SFMBT2: variants seen among roughly 807,000 people sequenced by gnomAD.
SFMBT2 encodes the protein scm-like with four MBT domains protein 2.
SFMBT2 carries 38 observed loss-of-function variants against 110.1 expected under a neutral mutation model. The observed-to-expected ratio is 0.35, with a 90% CI of 0.27 to 0.45. SFMBT2 has a LOEUF of 0.45. SFMBT2 is among the 20% of genes least tolerant of loss of function. The pLI, the probability that SFMBT2 is intolerant of heterozygous loss-of-function variation, is 1.00. For missense variants in SFMBT2, 1,011 were observed against 1,094.9 expected (o/e 0.92, Z 1.08); for synonymous variants, 425 against 425.4 (o/e 1.00, Z 0.01).
chr10:7,350,487 C>A (rs1487061435), intron 4 of SFMBT2, among the ~76,000 whole-genome samples: 1 of 152,218 alleles, frequency 6.6e-6, no homozygotes, highest in African/African-American at 2.4e-5. Flanking sequence ...CGCTTTAGTG[C>A]CATCTTGCTT....
intron 12 of SFMBT2, chr10:7,203,420 G>T: frequency 4.8e-6 from 1 of 206,814 alleles, no homozygotes; most frequent in East Asian, 1.8e-4. Flanking sequence ...TGTTAGCGGG[G>T]TGGGGATGCC....
At chr10:7,359,160 G>C (rs867269579) in intron 4 of SFMBT2, among the ~76,000 whole-genome samples, 2 of 152,230 alleles carry the variant, frequency 1.3e-5, no homozygotes, top group Non-Finnish European at 2.9e-5. Context: ...GTGCCCGGGG[G>C]CCTTGTCTGT....
chr10:7,342,712 A>C (rs2131988151), intron 4 of SFMBT2, among the ~76,000 whole-genome samples: 1 of 152,246 alleles, frequency 6.6e-6, no homozygotes, highest in East Asian at 1.9e-4. Flanking sequence ...TGAGTCTTTC[A>C]ATCACCAAAG....
At chr10:7,200,620 T>C (rs1230641331) in intron 13 of SFMBT2, 136 bp from the exon 14 acceptor site, 1 of 604,416 alleles carries the variant, frequency 1.7e-6, no homozygotes, top group Non-Finnish European at 2.6e-6. Flanking sequence ...AATGTGTGTA[T>C]GGGAGCAATG....
At chr10:7,202,554 C>A in intron 12 of SFMBT2, 32 bp from the exon 13 acceptor site, 1 of 1,614,104 alleles carries the variant, frequency 6.2e-7, no homozygotes, top group South Asian at 1.1e-5. Context: ...AAAAGAAAAT[C>A]AGCTTTGTTA....
rs960676288 is a variant in SFMBT2, at chr10:7,170,704, T to A, written c.2544+224A>T. Among the ~76,000 whole-genome samples the A allele has an allele frequency of 6.6e-6, 1 of 152,046 alleles. No homozygotes were observed. Among genetic ancestry groups the A allele is most frequent in the Admixed American group, 6.6e-5 (1 of 15,266 alleles). On this transcript the variant is annotated intron_variant, in intron 20 of 20. Transcript: ENST00000397167. The surrounding 1 kb of genome is among the most constrained non-coding windows in gnomAD (Gnocchi z 4.6). ...AGAGTCACCCCTCCGCCCCCCACCATGGCACTGGTGGGGCCTGAGAGGAGC... is the reference window on the plus strand; with the variant it reads ...AGAGTCACCCCTCCGCCCCCCACCAAGGCACTGGTGGGGCCTGAGAGGAGC...
At chr10:7,228,717 TTCTTTCTTTCTTTCTTTCCTTTCTC>T (rs1564395167) in intron 9 of SFMBT2, among the ~76,000 whole-genome samples, 78 of 132,092 alleles carry the variant, frequency 5.9e-4, no homozygotes, top group Middle Eastern at 3.9e-3. Flanking sequence ...CTTTCTTTCT[TTCTTTCTTTCTTTCTTTCCTTTCTC>T]TCTCTCTCTC....
At chr10:7,254,270 A>T (rs1840920415) in intron 7 of SFMBT2, among the ~76,000 whole-genome samples, 1 of 152,182 alleles carries the variant, frequency 6.6e-6, no homozygotes, top group South Asian at 2.1e-4. Flanking sequence ...ATAAGCACTG[A>T]TCAGAAACCA....
At chr10:7,284,260 G>A (rs1842025683) in intron 5 of SFMBT2, 110 bp from the exon 6 acceptor site, 1 of 1,516,588 alleles carries the variant, frequency 6.6e-7, no homozygotes, top group Non-Finnish European at 8.8e-7. Context: ...CAAGGTACTG[G>A]CGAACAGTCT....
At chr10:7,186,459 C>CACACACATATATAT (rs748644225) in intron 16 of SFMBT2, among the ~76,000 whole-genome samples, 4 of 126,896 alleles carry the variant, frequency 3.2e-5, no homozygotes, top group African/African-American at 1.3e-4. Flanking sequence ...CACACACACA[C>CACACACATATATAT]ATATATATAT....
intron 4 of SFMBT2, among the ~76,000 whole-genome samples, chr10:7,321,402 T>C (rs1203696262): frequency 1.3e-5 from 2 of 152,040 alleles, no homozygotes; most frequent in East Asian, 3.9e-4. Flanking sequence ...GGGGTTTCAC[T>C]GTGTTAGCCA....
intron 4 of SFMBT2, among the ~76,000 whole-genome samples, chr10:7,304,788 C>T (rs961514489): frequency 1.3e-5 from 2 of 152,204 alleles, no homozygotes; most frequent in African/African-American, 4.8e-5. Context: ...AGAAGAGGGA[C>T]AAACACCACC....
intron 6 of SFMBT2, among the ~76,000 whole-genome samples, chr10:7,281,087 G>A (rs749809129): frequency 6.6e-6 from 1 of 151,996 alleles, no homozygotes; most frequent in Non-Finnish European, 1.5e-5. Context: ...CAAAATAAGA[G>A]ATTAAAAAAT....
rs370486566 is a variant in SFMBT2 at position 7,175,868 on chromosome 10, C to A, written c.1984+122G>T. ...CCTTAAAAATCCTTCCATAGCAATT[C>A]CTATGGAAGACTAGTCAAAAGGTTC... On this transcript the variant is annotated intron_variant, in intron 17 of 20. Coordinates refer to ENST00000397167, the MANE Select transcript of SFMBT2 (RefSeq NM_001387889.1). 7 of 876,348 alleles carry A rather than the reference C, an allele frequency of 8.0e-6. No individual in the cohort carries two copies. The African/African-American group carries it at 1.2e-4, about 15-fold the overall frequency. The allele number at this position is 876,348 out of a possible 1,614,324, so 54.3% of individuals were successfully genotyped here.
chr10:7,263,131 G>T (rs904013915), intron 7 of SFMBT2, among the ~76,000 whole-genome samples: 1 of 152,122 alleles, frequency 6.6e-6, no homozygotes, highest in Non-Finnish European at 1.5e-5. Flanking sequence ...CTCCAGCCAT[G>T]GGGTAGAAAC....
At chr10:7,359,485 T>C (rs1044724157) in intron 4 of SFMBT2, among the ~76,000 whole-genome samples, 3 of 152,194 alleles carry the variant, frequency 2.0e-5, no homozygotes, top group African/African-American at 7.2e-5. Context: ...CGAATTCCAC[T>C]CAGAATCAAA....
At chr10:7,165,971 G>A (rs1564362077) in intron 20 of SFMBT2, among the ~76,000 whole-genome samples, 1 of 152,224 alleles carries the variant, frequency 6.6e-6, no homozygotes, top group Non-Finnish European at 1.5e-5. Flanking sequence ...AAATCCACAT[G>A]TAATACATCA....
At chr10:7,279,568 C>T (rs1404560652) in intron 6 of SFMBT2, among the ~76,000 whole-genome samples, 2 of 152,182 alleles carry the variant, frequency 1.3e-5, no homozygotes, top group African/African-American at 4.8e-5. Context: ...ATAAATAGTA[C>T]CATTCAAAGA....
chr10:7,212,703 A>T (rs886814080), intron 11 of SFMBT2, among the ~76,000 whole-genome samples: 1 of 152,216 alleles, frequency 6.6e-6, no homozygotes, highest in African/African-American at 2.4e-5. Flanking sequence ...CAAATAAAAA[A>T]GATTTTACAC....
Sources: gnomAD v4.1 joint callset for allele counts (sites outside exome capture counted in the v4.1 genomes callset) on GRCh38, gnomAD v4.1.1 for gene constraint, Gnocchi (gnomAD v3.1) non-coding constraint, MANE v1.5 for transcripts, NCBI Gene and HGNC (gene_info 2026-07-23, HGNC 2026-07-21) for gene names.